Variants in RELB observed in about 807,000 individuals in gnomAD.
RELB encodes the protein RELB proto-oncogene, NF-kB subunit.
Under a neutral mutation model 55.4 loss-of-function variants are expected in RELB, and 14 were observed. The ratio of observed to expected loss-of-function variants is 0.25; its 90% CI spans 0.17 to 0.40. The LOEUF is 0.40. Ranked by LOEUF, RELB falls within the 10% of genes least tolerant of loss-of-function variation. The pLI, the probability that RELB is intolerant of heterozygous loss-of-function variation, is 1.00. For missense variants in RELB, 669 were observed against 830.7 expected, an observed-to-expected ratio of 0.81 and a Z score of 2.39; for synonymous variants, 409 against 371.3, an observed-to-expected ratio of 1.10 and a Z score of -1.17.
At chr19:45,012,640 G>A (rs1971376260) in intron 4 of RELB, among the ~76,000 whole-genome samples, 1 of 151,758 alleles carries the variant, frequency 6.6e-6, no homozygotes, top group Non-Finnish European at 1.5e-5. Context: ...GGAGGCCGAG[G>A]TGGGAGGATT....
intron 4 of RELB, among the ~76,000 whole-genome samples, chr19:45,017,889 C>T (rs1971439579): frequency 6.6e-6 from 1 of 150,960 alleles, no homozygotes; most frequent in Non-Finnish European, 1.5e-5. Flanking sequence ...AGGTGATCCA[C>T]CCGCCTCAGC....
chr19:45,019,903 C>A (rs1971462486), intron 4 of RELB, among the ~76,000 whole-genome samples: 1 of 151,036 alleles, frequency 6.6e-6, no homozygotes, highest in Non-Finnish European at 1.5e-5. Flanking sequence ...TCTCAAACTC[C>A]CGACCTCAGT....
At chr19:45,013,383 C>T (rs1457471726) in intron 4 of RELB, among the ~76,000 whole-genome samples, 4 of 151,994 alleles carry the variant, frequency 2.6e-5, no homozygotes, top group Admixed American at 6.6e-5. Flanking sequence ...TCAAGTGATC[C>T]GCATGCCTTG....
intron 5 of RELB, among the ~76,000 whole-genome samples, chr19:45,023,740 CTTTTTTTTTTT>C (rs1168078618): frequency 6.0e-4 from 23 of 38,388 alleles, no homozygotes; most frequent in African/African-American, 1.9e-3. Context: ...TGCCCAGCCT[CTTTTTTTTTTT>C]TTTTTTTTTT....
At position 45,025,667 on chromosome 19, in the gene RELB, C is replaced by A; in HGVS notation, c.816C>A (p.Ala272=). The change falls in exon 7 of 12, where the codon GCC becomes GCA. Residue 272 remains alanine (A), a synonymous_variant. Transcript: ENST00000221452. ...DMNVVRICFQ[A]SYRDQQGQMR... ...ATGTGGTGAGGATCTGCTTCCAGGCCTCATATCGGGACCAGCAGGGACAGA... is the reference window on the plus strand; with the variant it reads ...ATGTGGTGAGGATCTGCTTCCAGGCATCATATCGGGACCAGCAGGGACAGA... The A allele has an allele frequency of 6.2e-7, 1 of 1,613,958 alleles. No individual in the cohort carries two copies. The highest frequency in any genetic ancestry group is 8.5e-7 in the Non-Finnish European group (1 of 1,179,882).
At position 45,012,623 on chromosome 19, in the gene RELB, C is replaced by A. The variant is rs560241079; in HGVS notation, c.504+347C>A. On this transcript the variant is annotated intron_variant, in intron 4 of 11. Coordinates refer to ENST00000221452, the MANE Select transcript of RELB (RefSeq NM_006509.4). Reference sequence around the variant, plus strand: ...GCCGAGTGTGGTGGCACAATCCCAGCTATTTAGGAGGCCGAGGTGGGAGGA... The same window carrying A: ...GCCGAGTGTGGTGGCACAATCCCAGATATTTAGGAGGCCGAGGTGGGAGGA... 3.3e-5 allele frequency among the ~76,000 whole-genome samples: 5 copies of A among 151,242 alleles called. No homozygotes were observed. The East Asian group carries it at 9.8e-4, about 30-fold the overall frequency.
In RELB at chr19:45,001,599, C is replaced by T. The variant is rs1479441606; in HGVS notation, c.20C>T (p.Ala7Val). The T allele has an allele frequency of 1.3e-6, 2 of 1,512,512 alleles. No homozygotes were observed. The highest frequency in any genetic ancestry group is 2.0e-5 in the Admixed American group (1 of 49,070). 93.7% of individuals were successfully genotyped at this position (1,512,512 alleles called of 1,614,324 possible). A position where few individuals can be genotyped will look rare whatever the true frequency, so the allele number is the denominator to read the frequency against. ...GCGTGCATGCTTCGGTCTGGGCCAG[C>T]CTCTGGGCCGTCCGTCCCCACTGGC... MLRSGPASGPSVPTGRA... is the reference protein window; with the variant it reads MLRSGPVSGPSVPTGRA... Residue 7 changes from alanine (A) to valine (V), a missense_variant, in exon 1 of 12, where the codon GCC becomes GTC. Ala to Val is a moderately conservative substitution (Grantham distance 64, BLOSUM62 0). Around this residue, in one of 3 missense-constraint regions of RELB, gnomAD observed 323 missense variants for 368.5 expected, o/e 0.88. Coordinates refer to ENST00000221452, the MANE Select transcript of RELB (RefSeq NM_006509.4).
Position 45,022,192 on chromosome 19 carries a change from A to T in RELB, c.644A>T (p.His215Leu). The stretch of plus-strand genomic sequence containing the variant: ...ATCTGCAGGGTGCGGCTCCGGCCTC[A>T]CGTCAGCCCCCGGCACAGGTACCCA... ...DGICRVRLRP[H>L]VSPRHSFNNL... The change falls in exon 5 of 12, where the codon CAC becomes CTC. Residue 215 changes from histidine to leucine, a missense_variant. Around this residue, in one of 3 missense-constraint regions of RELB, gnomAD observed 323 missense variants for 368.5 expected, o/e 0.88. Coordinates refer to ENST00000221452, the MANE Select transcript of RELB (RefSeq NM_006509.4). The T allele has an allele frequency of 6.2e-7, 1 of 1,604,782 alleles. No homozygotes were observed.
chr19:45,009,836 G>A lies in RELB; in HGVS notation c.163+14G>A, dbSNP rs76905439. 6 of 1,598,740 alleles carry A rather than the reference G, an allele frequency of 3.8e-6. No homozygotes were observed. The highest frequency in any genetic ancestry group is 4.2e-6 in the Non-Finnish European group (5 of 1,179,508). ...CAGATGAATTGGGTGAGTATCACAG[G>A]GCAGGTTTGCGGGGAGGCTGAGGGA... On this transcript the variant is annotated intron_variant, in intron 3 of 11. Coordinates refer to ENST00000221452, the MANE Select transcript of RELB (RefSeq NM_006509.4).
In RELB at chr19:45,007,114, C is replaced by A. The variant is rs560112433; in HGVS notation, c.155-2700C>A. Among the ~76,000 whole-genome samples the A allele has an allele frequency of 5.9e-5, 9 of 152,114 alleles. No homozygotes were observed. The East Asian group carries it at 9.7e-4, about 16-fold the overall frequency. On this transcript the variant is annotated intron_variant, in intron 2 of 11. Transcript: ENST00000221452. ...CTGAAGATGGAGGAGGAGGAAGTCA[C>A]GCCATGCAAAGAACTGGGGGAAGAG...
chr19:45,034,398 T>G lies in RELB; in HGVS notation c.1277-53T>G, dbSNP rs533224523. 12 of 1,609,856 alleles carry G rather than the reference T, an allele frequency of 7.5e-6. 1 individual carries two copies. In the African/African-American group the frequency reaches 9.3e-5, roughly 13 times the overall value. Reference sequence around the variant, plus strand: ...CCCACTGCCCTGTCCCACCCCAGGCTGGGGAGGAAGGGCTGTCGGGGAACA... The same window carrying G: ...CCCACTGCCCTGTCCCACCCCAGGCGGGGGAGGAAGGGCTGTCGGGGAACA... On this transcript the variant is annotated intron_variant, in intron 10 of 11. Coordinates refer to ENST00000221452, the MANE Select transcript of RELB (RefSeq NM_006509.4).
intron 4 of RELB, among the ~76,000 whole-genome samples, chr19:45,018,957 G>A (rs975901707): frequency 6.6e-6 from 1 of 152,116 alleles, no homozygotes; most frequent in Non-Finnish European, 1.5e-5. Flanking sequence ...GCGCTCGGCT[G>A]AAAGCTAGTG....
In RELB at chr19:45,034,609, C is replaced by T. The variant is rs1025997134; in HGVS notation, c.1354+81C>T. The T allele has an allele frequency of 1.4e-4, 180 of 1,247,910 alleles. 1 individual carries two copies. The highest frequency in any genetic ancestry group is 1.9e-4 in the Non-Finnish European group (164 of 884,016). The allele number at this position is 1,247,910 out of a possible 1,614,324, so 77.3% of individuals were successfully genotyped here. A position where few individuals can be genotyped will look rare whatever the true frequency, so the allele number is the denominator to read the frequency against. ...CAGCCCTGCTTTTCTGGCCTCTTCA[C>T]GCCCTCCAAGAGCAGCCACAAGGCG... On this transcript the variant is annotated intron_variant, in intron 11 of 11. Coordinates refer to ENST00000221452, the MANE Select transcript of RELB (RefSeq NM_006509.4).
chr19:45,018,910 A>G (rs1011426332), intron 4 of RELB, among the ~76,000 whole-genome samples: 1 of 152,004 alleles, frequency 6.6e-6, no homozygotes, highest in Admixed American at 6.6e-5. Context: ...TCCTGACCTC[A>G]GGTGATCCAC....
At chr19:45,017,258 C>T (rs1971430076) in intron 4 of RELB, among the ~76,000 whole-genome samples, 1 of 152,106 alleles carries the variant, frequency 6.6e-6, no homozygotes, top group African/African-American at 2.4e-5. Context: ...CCTAACGGGG[C>T]TGGTTTTTAT....
intron 6 of RELB, 77 bp from the exon 7 acceptor site, chr19:45,025,529 A>G: frequency 6.3e-7 from 1 of 1,588,514 alleles, no homozygotes; most frequent in Non-Finnish European, 8.6e-7. Context: ...CTCCAGCCCC[A>G]TCCCTTCCCC....
chr19:45,025,707 C>A lies in RELB; in HGVS notation c.856C>A (p.Pro286Thr), dbSNP rs760523720. The change falls in exon 7 of 12, where the codon CCT becomes ACT. Residue 286 changes from proline to threonine, a missense_variant. Coordinates refer to ENST00000221452, the MANE Select transcript of RELB (RefSeq NM_006509.4). Reference protein sequence around the residue: ...DQQGQMRRMDPVLSEPVYDKK... With the variant: ...DQQGQMRRMDTVLSEPVYDKK... ...GCAGGGACAGATGCGCCGGATGGAT[C>A]CTGTGCTTTCCGAGCCCGTCTATGA... The A allele has an allele frequency of 6.2e-7, 1 of 1,614,002 alleles. No individual in the cohort carries two copies.
chr19:45,018,907 C>T (rs764083857), intron 4 of RELB, among the ~76,000 whole-genome samples: 35 of 151,942 alleles, frequency 2.3e-4, no homozygotes, highest in Non-Finnish European at 4.1e-4. Context: ...AATTCCTGAC[C>T]TCAGGTGATC....
intron 7 of RELB, among the ~76,000 whole-genome samples, chr19:45,027,925 G>A (rs111394634): frequency 4.9e-4 from 75 of 152,142 alleles, no homozygotes; most frequent in African/African-American, 1.8e-3. Context: ...CTGTTGCCTA[G>A]GCAGTCATGC....
Sources: gnomAD v4.1 joint callset for allele counts (sites outside exome capture counted in the v4.1 genomes callset) on GRCh38, gnomAD v4.1.1 for gene constraint, gnomAD v4.1.1 regional missense constraint, MANE v1.5 for transcripts, NCBI Gene and HGNC (gene_info 2026-07-23, HGNC 2026-07-21) for gene names.